Variants in PLPPR1 observed in about 807,000 individuals in gnomAD.
PLPPR1 encodes phospholipid phosphatase-related protein type 1.
Under a neutral mutation model 33.1 loss-of-function variants are expected in PLPPR1, and 10 were observed. The observed-to-expected ratio is 0.30, with a 90% CI of 0.19 to 0.51. The LOEUF (loss-of-function observed/expected upper bound fraction) is 0.51. PLPPR1 is among the 20% of genes least tolerant of loss of function. The pLI, the probability that PLPPR1 is intolerant of heterozygous loss-of-function variation, is 0.97. For synonymous variants in PLPPR1, 151 were observed against 151.0 expected (o/e 1.00, Z 0.00); for missense variants, 304 against 408.1 (o/e 0.74, Z 2.20).
In PLPPR1 at chr9:101,144,188, T is replaced by A. The variant is rs111815084; in HGVS notation, c.-45-41262T>A. Among the ~76,000 whole-genome samples the A allele has an allele frequency of 3.4e-3, 511 of 152,176 alleles. 3 individuals are homozygous for A. Among genetic ancestry groups the A allele is most frequent in the African/African-American group, 0.012 (492 of 41,506 alleles). ...AGGACAGAAAACCAAACACCGCATG[T>A]TCTCACTCATAGGTGGGAATTGAAC... On this transcript the variant is annotated intron_variant, in intron 1 of 7. Transcript: ENST00000374874.
intron 1 of PLPPR1, among the ~76,000 whole-genome samples, chr9:101,153,294 T>C (rs1273230681): frequency 6.6e-6 from 1 of 152,186 alleles, no homozygotes; most frequent in Non-Finnish European, 1.5e-5. Flanking sequence ...AGATTTTGGG[T>C]GGAGAGGATG....
At chr9:101,257,534 C>T (rs1661698691) in intron 2 of PLPPR1, among the ~76,000 whole-genome samples, 1 of 152,130 alleles carries the variant, frequency 6.6e-6, no homozygotes, top group African/African-American at 2.4e-5. Context: ...CAGTTCCTGG[C>T]AGGTGAGCAC....
chr9:101,211,228 G>C (rs995632002), intron 2 of PLPPR1, among the ~76,000 whole-genome samples: 1 of 152,106 alleles, frequency 6.6e-6, no homozygotes, highest in Non-Finnish European at 1.5e-5. Flanking sequence ...TGCCACCCAG[G>C]AGCTGTCCTA....
chr9:101,065,387 C>T (rs1314940386), intron 1 of PLPPR1, among the ~76,000 whole-genome samples: 2 of 152,052 alleles, frequency 1.3e-5, no homozygotes, highest in East Asian at 3.9e-4. Context: ...TGGAAATAGG[C>T]TGTATTGATT....
chr9:101,117,641 A>G (rs1027324315), intron 1 of PLPPR1, among the ~76,000 whole-genome samples: 5 of 150,676 alleles, frequency 3.3e-5, no homozygotes, highest in Non-Finnish European at 7.4e-5. Flanking sequence ...TACTTTCTTA[A>G]TAAACTTGCT....
intron 1 of PLPPR1, among the ~76,000 whole-genome samples, chr9:101,061,402 A>G (rs1830346064): frequency 6.6e-6 from 1 of 151,780 alleles, no homozygotes; most frequent in African/African-American, 2.4e-5. Flanking sequence ...TGTGTGAGAA[A>G]GAGAGGGACT....
rs143144077 is a variant in PLPPR1 at position 101,045,944 on chromosome 9, T to A, written c.-46+16842T>A. Among the ~76,000 whole-genome samples, 53 of 152,332 alleles carry A rather than the reference T, an allele frequency of 3.5e-4. 1 individual carries two copies. Among genetic ancestry groups the A allele is most frequent in the African/African-American group, 1.3e-3 (52 of 41,580 alleles). On this transcript the variant is annotated intron_variant, in intron 1 of 7. Coordinates refer to ENST00000374874, the MANE Select transcript of PLPPR1 (RefSeq NM_207299.2). The stretch of plus-strand genomic sequence containing the variant: ...TCTTCCCCTTTCCTTGATCTTAGAT[T>A]ACAAAAATATCAGCAACATCCTCCA...
chr9:101,223,159 A>G lies in PLPPR1; in HGVS notation c.63+37602A>G, dbSNP rs1042406458. Among the ~76,000 whole-genome samples the G allele has an allele frequency of 8.1e-4, 104 of 128,180 alleles. 2 individuals carry two copies. Among genetic ancestry groups the G allele is most frequent in the African/African-American group, 2.9e-3 (97 of 33,354 alleles). 84.1% of individuals were successfully genotyped at this position (128,180 alleles called of 152,430 possible). A position where few individuals can be genotyped will look rare whatever the true frequency, so the allele number is the denominator to read the frequency against. ...GAGACCCATCTCTACAAAAAAAAAA[A>G]AAAAAAAAAAAAAGAAAAGAAAAAT... is the stretch of plus-strand genomic sequence containing the variant. On this transcript the variant is annotated intron_variant, in intron 2 of 7. Transcript: ENST00000374874.
intron 1 of PLPPR1, among the ~76,000 whole-genome samples, chr9:101,088,096 A>G (rs1830700274): frequency 6.6e-6 from 1 of 152,190 alleles, no homozygotes; most frequent in South Asian, 2.1e-4. Flanking sequence ...AGAAGCATCA[A>G]AATTTCCCCT....
chr9:101,187,107 G>C (rs1826218013), intron 2 of PLPPR1, among the ~76,000 whole-genome samples: 1 of 151,798 alleles, frequency 6.6e-6, no homozygotes, highest in Non-Finnish European at 1.5e-5. Context: ...ATGCGAAAAA[G>C]TTAGAAGGTA....
chr9:101,316,616 C>CAAAA (rs553324474), intron 6 of PLPPR1, among the ~76,000 whole-genome samples: 7,919 of 82,472 alleles, frequency 0.096, 948 homozygotes, highest in South Asian at 0.18. Context: ...TCTTCTTGGG[C>CAAAA]AAAAAAAAAA....
intron 2 of PLPPR1, among the ~76,000 whole-genome samples, chr9:101,268,873 A>G (rs1248731469): frequency 6.6e-6 from 1 of 152,178 alleles, no homozygotes; most frequent in African/African-American, 2.4e-5. Flanking sequence ...TTAATGCTCA[A>G]TCTAAGCACA....
intron 1 of PLPPR1, among the ~76,000 whole-genome samples, chr9:101,085,705 C>G (rs1047374406): frequency 1.2e-4 from 19 of 152,128 alleles, no homozygotes; most frequent in Admixed American, 9.8e-4. Flanking sequence ...CTCAGTAGGT[C>G]AAAGACAGGG....
At chr9:101,199,032 T>G (rs1213704784) in intron 2 of PLPPR1, among the ~76,000 whole-genome samples, 1 of 152,176 alleles carries the variant, frequency 6.6e-6, no homozygotes, top group Non-Finnish European at 1.5e-5. Context: ...GCTGAGAACC[T>G]GGAGCCATGG....
At chr9:101,279,973 A>C (rs1828267482) in intron 3 of PLPPR1, among the ~76,000 whole-genome samples, 1 of 152,176 alleles carries the variant, frequency 6.6e-6, no homozygotes, top group African/African-American at 2.4e-5. Context: ...GAAATAAATG[A>C]AATTTATAAA....
chr9:101,052,872 A>T (rs1402781796), intron 1 of PLPPR1, among the ~76,000 whole-genome samples: 9 of 152,172 alleles, frequency 5.9e-5, no homozygotes. Flanking sequence ...TTTTTGCTAA[A>T]CTGCCTTCCA....
At chr9:101,314,492 A>T (rs1309048588) in intron 6 of PLPPR1, among the ~76,000 whole-genome samples, 1 of 152,198 alleles carries the variant, frequency 6.6e-6, no homozygotes, top group Non-Finnish European at 1.5e-5. Flanking sequence ...CCATTGCAAC[A>T]GTGAATATCA....
chr9:101,142,798 G>A (rs1461562613), intron 1 of PLPPR1, among the ~76,000 whole-genome samples: 1 of 151,950 alleles, frequency 6.6e-6, no homozygotes, highest in African/African-American at 2.4e-5. Flanking sequence ...GACAGACAAA[G>A]CCCCTGTCCT....
At chr9:101,199,364 G>T (rs1229957206) in intron 2 of PLPPR1, among the ~76,000 whole-genome samples, 1 of 152,174 alleles carries the variant, frequency 6.6e-6, no homozygotes, top group Non-Finnish European at 1.5e-5. Flanking sequence ...TGTGGCAGGG[G>T]CTTGAAAATA....
Sources: gnomAD v4.1 joint callset for allele counts (sites outside exome capture counted in the v4.1 genomes callset) on GRCh38, gnomAD v4.1.1 for gene constraint, MANE v1.5 for transcripts, NCBI Gene and HGNC (gene_info 2026-07-23, HGNC 2026-07-21) for gene names.